Variants in RIMS4 observed in about 807,000 individuals in gnomAD.
The protein encoded by RIMS4 is regulating synaptic membrane exocytosis 4.
RIMS4 carries 9 observed loss-of-function variants against 29.0 expected under a neutral mutation model. The observed-to-expected ratio is 0.31, with a 90% CI of 0.19 to 0.54. The LOEUF (loss-of-function observed/expected upper bound fraction) is 0.54, where lower values mean the gene tolerates loss of function less well. Among genes scored for constraint, RIMS4 ranks in the 20% least tolerant of loss-of-function variants. RIMS4 has a pLI of 0.94. For missense variants in RIMS4, 193 were observed against 365.7 expected (o/e 0.53, Z 3.85); for synonymous variants, 130 against 152.9 (o/e 0.85, Z 1.10).
intron 2 of RIMS4, 51 bp downstream of exon 2, chr20:44,771,224 C>T (rs2066135824): frequency 6.4e-7 from 1 of 1,574,444 alleles, no homozygotes; most frequent in Non-Finnish European, 8.7e-7. Context: ...CCTCCCGTGC[C>T]CCACCACAAA....
chr20:44,783,908 T>A (rs1295230747), intron 1 of RIMS4, among the ~76,000 whole-genome samples: 1 of 152,236 alleles, frequency 6.6e-6, no homozygotes, highest in Admixed American at 6.5e-5. Flanking sequence ...GTTGCACAAC[T>A]CTGTGAATAA....
chr20:44,775,891 T>C (rs577809740), intron 1 of RIMS4, among the ~76,000 whole-genome samples: 15 of 152,374 alleles, frequency 9.8e-5, no homozygotes, highest in African/African-American at 3.4e-4. Flanking sequence ...TATGCTTCTA[T>C]GTCATTTGAA....
intron 1 of RIMS4, among the ~76,000 whole-genome samples, chr20:44,790,001 G>A (rs943342011): frequency 5.9e-5 from 9 of 152,262 alleles, no homozygotes; most frequent in Admixed American, 2.0e-4. Context: ...TACCCAGCAG[G>A]GAGACTGGGA....
At chr20:44,765,798 T>TCTCGGGAC (rs1402765009) in intron 2 of RIMS4, among the ~76,000 whole-genome samples, 3 of 152,032 alleles carry the variant, frequency 2.0e-5, no homozygotes, top group Non-Finnish European at 2.9e-5. Flanking sequence ...GACCCAGACA[T>TCTCGGGAC]CTCGGGACAA....
chr20:44,789,567 AT>A (rs2066223930), intron 1 of RIMS4, among the ~76,000 whole-genome samples: 1 of 152,162 alleles, frequency 6.6e-6, no homozygotes, highest in South Asian at 2.1e-4. Context: ...AGAATTTCTT[AT>A]TTTTTTGAGA....
intron 1 of RIMS4, among the ~76,000 whole-genome samples, chr20:44,800,905 C>T (rs189294496): frequency 5.3e-4 from 80 of 152,346 alleles, no homozygotes; most frequent in African/African-American, 1.8e-3. Flanking sequence ...AGGCCTGACG[C>T]CAGCTGTGTG....
At chr20:44,799,450 C>T (rs1601044954) in intron 1 of RIMS4, among the ~76,000 whole-genome samples, 1 of 152,118 alleles carries the variant, frequency 6.6e-6, no homozygotes, top group African/African-American at 2.4e-5. Flanking sequence ...CCAGATGGCT[C>T]GGGGGTGGCT....
rs534692726 is a variant in RIMS4 at position 44,803,933 on chromosome 20, T to C, written c.97+6242A>G. Reference sequence around the variant, plus strand: ...ATTGTAGCAGGGTGGTGGACCCTGGTGGGACACATCACACCCAGGCCTTTG... The same window carrying C: ...ATTGTAGCAGGGTGGTGGACCCTGGCGGGACACATCACACCCAGGCCTTTG... On this transcript the variant is annotated intron_variant, in intron 1 of 5. Coordinates refer to ENST00000372851, the MANE Select transcript of RIMS4 (RefSeq NM_182970.4). Among the ~76,000 whole-genome samples the C allele has an allele frequency of 1.1e-4, 17 of 152,286 alleles. No individual in the cohort carries two copies. In the South Asian group the frequency reaches 3.5e-3, roughly 32 times the overall value.
chr20:44,755,090 G>C lies in RIMS4; in HGVS notation c.*1044C>G, dbSNP rs758869209. ...CAAGGTAATTGAGGCCGGGGCAGTGGGTTCTGCCCTTAGTATAGGATGTTT... is the reference window on the plus strand; with the variant it reads ...CAAGGTAATTGAGGCCGGGGCAGTGCGTTCTGCCCTTAGTATAGGATGTTT... On this transcript the variant is annotated 3_prime_UTR_variant, in exon 6 of 6. Coordinates refer to ENST00000372851, the MANE Select transcript of RIMS4 (RefSeq NM_182970.4). 18 of 152,644 alleles carry C rather than the reference G, an allele frequency of 1.2e-4. No homozygotes were observed. The highest frequency in any genetic ancestry group is 2.2e-4 in the Non-Finnish European group (15 of 68,070). 9.5% of individuals were successfully genotyped at this position (152,644 alleles called of 1,614,324 possible). A position where few individuals can be genotyped will look rare whatever the true frequency, so the allele number is the denominator to read the frequency against.
At chr20:44,757,150 G>GT in intron 4 of RIMS4, 113 bp from the exon 5 acceptor site, 1 of 1,230,672 alleles carries the variant, frequency 8.1e-7, no homozygotes, top group Non-Finnish European at 1.2e-6. Flanking sequence ...TGCCCCCATG[G>GT]GGTCTGGGGA....
chr20:44,809,992 G>A (rs1022651707), intron 1 of RIMS4, among the ~76,000 whole-genome samples, 183 bp downstream of exon 1: 11 of 151,928 alleles, frequency 7.2e-5, no homozygotes, highest in Non-Finnish European at 1.3e-4. Flanking sequence ...GGGTCCCTGG[G>A]GGAGAAGGCC....
chr20:44,773,862 C>T lies in RIMS4; in HGVS notation c.98-2449G>A, dbSNP rs185925225. On this transcript the variant is annotated intron_variant, in intron 1 of 5. Transcript: ENST00000372851. Reference sequence around the variant, plus strand: ...GGGCAAGCTGGACGGCATCTTCCCACGGAGCTGTTGAGAGGCTTAAATGAC... The same window carrying T: ...GGGCAAGCTGGACGGCATCTTCCCATGGAGCTGTTGAGAGGCTTAAATGAC... 2.8e-4 allele frequency among the ~76,000 whole-genome samples: 43 copies of T among 152,306 alleles called. No homozygotes were observed. The East Asian group carries it at 7.5e-3, about 27-fold the overall frequency.
intron 2 of RIMS4, among the ~76,000 whole-genome samples, chr20:44,770,252 T>C (rs1332402460): frequency 1.3e-5 from 2 of 152,176 alleles, no homozygotes; most frequent in Non-Finnish European, 2.9e-5. Context: ...GTTCCAGACC[T>C]GGTAACACAC....
At chr20:44,793,640 C>T (rs1299462358) in intron 1 of RIMS4, among the ~76,000 whole-genome samples, 6 of 152,162 alleles carry the variant, frequency 3.9e-5, no homozygotes, top group Admixed American at 1.3e-4. Context: ...AGGGTCCCCA[C>T]GTCTAGAACA....
intron 2 of RIMS4, among the ~76,000 whole-genome samples, chr20:44,764,918 G>T (rs1357291922): frequency 6.6e-6 from 1 of 152,136 alleles, no homozygotes; most frequent in Non-Finnish European, 1.5e-5. Context: ...TTCCAAGCCT[G>T]ACCACCTCTA....
chr20:44,756,336 T>A lies in RIMS4; in HGVS notation c.608A>T (p.Asn203Ile), dbSNP rs1158645365. 3.1e-6 allele frequency: 5 copies of A among 1,613,752 alleles called. No homozygotes were observed. Among genetic ancestry groups the A allele is most frequent in the Non-Finnish European group, 4.2e-6 (5 of 1,179,948 alleles). Reference sequence around the variant, plus strand: ...CTGCTTCCGCTCCATCCGCCCGTAGTTCCCCCACACGATCACCTGTGGGGC... The same window carrying A: ...CTGCTTCCGCTCCATCCGCCCGTAGATCCCCCACACGATCACCTGTGGGGC... ...GKVLQVIVWGNYGRMERKQFM... is the reference protein window; with the variant it reads ...GKVLQVIVWGIYGRMERKQFM... The change falls in exon 6 of 6, where the codon AAC (asparagine) becomes ATC (isoleucine). Residue 203 changes from asparagine (N) to isoleucine (I), a missense_variant. Transcript: ENST00000372851. The surrounding 1 kb of genome is among the most constrained non-coding windows in gnomAD (Gnocchi z 5.9).
At chr20:44,798,936 TCTC>T (rs1216933252) in intron 1 of RIMS4, among the ~76,000 whole-genome samples, 3 of 152,206 alleles carry the variant, frequency 2.0e-5, no homozygotes, top group Admixed American at 2.0e-4. Flanking sequence ...AGTGAAGAGT[TCTC>T]CTGATTTTCT....
intron 2 of RIMS4, among the ~76,000 whole-genome samples, chr20:44,758,961 G>C (rs1006867167): frequency 6.6e-5 from 10 of 152,132 alleles, no homozygotes; most frequent in African/African-American, 2.4e-4. Context: ...TCATCTTTTG[G>C]TTACGTTAAG....
chr20:44,805,613 C>T (rs1461218296), intron 1 of RIMS4, among the ~76,000 whole-genome samples: 1 of 152,170 alleles, frequency 6.6e-6, no homozygotes, highest in Non-Finnish European at 1.5e-5. Context: ...CCTCATCCAC[C>T]CTGCCAGCCT....
Sources: allele counts gnomAD v4.1 joint callset (sites outside exome capture counted in the v4.1 genomes callset), GRCh38; gene constraint gnomAD v4.1.1; non-coding constraint Gnocchi (gnomAD v3.1); transcripts MANE v1.5; gene names NCBI Gene and HGNC (gene_info 2026-07-23, HGNC 2026-07-21).